Variants in MYO7A observed in about 807,000 individuals in gnomAD.
The protein encoded by MYO7A is myosin VIIA.
MYO7A carries 210 observed loss-of-function variants against 263.8 expected under a neutral mutation model. The observed-to-expected ratio is 0.80, with a 90% CI of 0.71 to 0.89. The LOEUF (loss-of-function observed/expected upper bound fraction) is 0.89. MYO7A is among the 40% of genes least tolerant of loss of function. MYO7A has a pLI of 0.00. For synonymous variants in MYO7A, 1,239 were observed against 1,197.3 expected (o/e 1.03, Z -0.72); for missense variants, 2,820 against 2,968.3 (o/e 0.95, Z 1.16).
In MYO7A at chr11:77,159,651, A is replaced by G. The variant is rs1052659091; in HGVS notation, c.1080+128A>G. On this transcript the variant is annotated intron_variant, in intron 10 of 48. Coordinates refer to ENST00000409709, the MANE Select transcript of MYO7A (RefSeq NM_000260.4). ...TCTGGTTTGGAGAGTTCTGTTCAAT[A>G]TGGAGAAGCAACCATGTGCAGGTCC... 38 of 909,580 alleles carry G rather than the reference A, an allele frequency of 4.2e-5. No homozygotes were observed. In the East Asian group the frequency reaches 9.4e-4, roughly 22 times the overall value. The allele number at this position is 909,580 out of a possible 1,614,324, so 56.3% of individuals were successfully genotyped here. A position where few individuals can be genotyped will look rare whatever the true frequency, so the allele number is the denominator to read the frequency against.
rs1395594695 is a variant in MYO7A, at chr11:77,162,152, A to G, written c.1376A>G (p.Glu459Gly). The change falls in exon 13 of 49, where the codon GAG (glutamate) becomes GGG (glycine). Residue 459 changes from glutamate to glycine, a missense_variant. Physicochemically the swap from Glu to Gly is moderately conservative, Grantham distance 98. Coordinates refer to ENST00000409709, the MANE Select transcript of MYO7A (RefSeq NM_000260.4). Reference sequence around the variant, plus strand: ...CAGCTCTGCATCAACTTCGCCAATGAGCACCTGCAGCAGTTCTTTGTGCGG... The same window carrying G: ...CAGCTCTGCATCAACTTCGCCAATGGGCACCTGCAGCAGTTCTTTGTGCGG... The part of the protein sequence containing the change: ...FEQLCINFAN[E>G]HLQQFFVRHV... 1 of 1,603,694 alleles carries G rather than the reference A, an allele frequency of 6.2e-7. No homozygotes were observed. Among genetic ancestry groups the G allele is most frequent in the Non-Finnish European group, 8.5e-7 (1 of 1,175,246 alleles).
At chr11:77,189,861 G>A (rs956911649) in intron 28 of MYO7A, among the ~76,000 whole-genome samples, 159 bp from the exon 29 acceptor site, 4 of 152,224 alleles carry the variant, frequency 2.6e-5, no homozygotes, top group Non-Finnish European at 5.9e-5. Flanking sequence ...GGCCACAGAC[G>A]TGGCTGGAAA....
chr11:77,190,270 A>T, intron 29 of MYO7A, 131 bp downstream of exon 29: 1 of 978,180 alleles, frequency 1.0e-6, no homozygotes, highest in Non-Finnish European at 1.4e-6. Flanking sequence ...TTCCTCAGAC[A>T]CCTACCCTCA....
At chr11:77,157,150 C>A in intron 7 of MYO7A, 129 bp from the exon 8 acceptor site, 1 of 1,389,106 alleles carries the variant, frequency 7.2e-7, no homozygotes, top group Non-Finnish European at 1.0e-6. Context: ...GAAATCCCAC[C>A]ATGAAACCCA....
In MYO7A at chr11:77,214,676, G is replaced by C. The variant is rs371649508; in HGVS notation, c.6628G>C (p.Gly2210Arg). 16 of 1,582,450 alleles carry C rather than the reference G, an allele frequency of 1.0e-5. No individual in the cohort carries two copies. The highest frequency in any genetic ancestry group is 1.4e-5 in the Non-Finnish European group (16 of 1,164,254). ...GCTCACAGCCATGAGCAAACAGCGG[G>C]GCTCCAGGAGCGGCAAGTGAACAGT... ...QMLTAMSKQR[G>R]SRSGK Residue 2210 changes from glycine (G) to arginine (R), a missense_variant, in exon 49 of 49, where the codon GGC (glycine) becomes CGC (arginine). By Grantham distance (125) the Gly-to-Arg change is moderately radical. Transcript: ENST00000409709.
Position 77,184,603 on chromosome 11 carries a change from C to T in MYO7A, c.3391C>T (p.His1131Tyr). The part of the protein sequence containing the change: ...KLTEEVTKRL[H>Y]DGESTVQGNS... The stretch of plus-strand genomic sequence containing the variant: ...TCTGGCCCAGGTGACCAAGAGGCTG[C>T]ATGACGGGGAGTCCACAGTGCAGGG... The change falls in exon 27 of 49, where the codon CAT becomes TAT. Residue 1131 changes from histidine (H) to tyrosine (Y), a missense_variant. Transcript: ENST00000409709. 6.4e-7 allele frequency: 1 copy of T among 1,566,718 alleles called. No individual in the cohort carries two copies. The highest frequency in any genetic ancestry group is 8.7e-7 in the Non-Finnish European group (1 of 1,155,338).
rs755375339 is a variant in MYO7A, at chr11:77,203,237, G to C, written c.5326+20G>C. On this transcript the variant is annotated intron_variant, in intron 38 of 48. Transcript: ENST00000409709. ...TCATTGATATCCGTGCCACTGGGCT[G>C]TGCCCAGGGGAGCCAGGGACCGGGC... The C allele has an allele frequency of 6.5e-7, 1 of 1,545,926 alleles. No individual in the cohort carries two copies. Among genetic ancestry groups the C allele is most frequent in the South Asian group, 1.2e-5 (1 of 84,038 alleles).
chr11:77,149,142 G>T (rs1471572423), intron 4 of MYO7A, among the ~76,000 whole-genome samples: 1 of 152,194 alleles, frequency 6.6e-6, no homozygotes, highest in Non-Finnish European at 1.5e-5. Context: ...CCGTGCCCGG[G>T]TCACTGCCTG....
intron 46 of MYO7A, chr11:77,212,214 C>G (rs748352038): frequency 5.4e-5 from 31 of 569,586 alleles, no homozygotes; most frequent in South Asian, 4.3e-4. Context: ...CACTGGGGAG[C>G]CCTCGCCCAG....
At chr11:77,131,536 CAA>C (rs1950767082) in intron 2 of MYO7A, among the ~76,000 whole-genome samples, 1 of 152,238 alleles carries the variant, frequency 6.6e-6, no homozygotes, top group Non-Finnish European at 1.5e-5. Context: ...AGAGCCTGTT[CAA>C]ACGCCCATTA....
intron 21 of MYO7A, 60 bp downstream of exon 21, chr11:77,180,013 A>C (rs570890511): frequency 1.4e-6 from 2 of 1,463,038 alleles, no homozygotes; most frequent in Non-Finnish European, 9.1e-7. Flanking sequence ...GTGTCCATGC[A>C]TCACCCTCAG....
Position 77,175,366 on chromosome 11 carries a change from C to T in MYO7A, c.2095-6C>T. ...CATTCCCTTGTGTTCCCCATCCTCACTCCAGGGCGACCTCCGCGGGACTTG... is the reference window on the plus strand; with the variant it reads ...CATTCCCTTGTGTTCCCCATCCTCATTCCAGGGCGACCTCCGCGGGACTTG... On this transcript the variant is annotated splice_region_variant and splice_polypyrimidine_tract_variant and intron_variant, in intron 17 of 48. Coordinates refer to ENST00000409709, the MANE Select transcript of MYO7A (RefSeq NM_000260.4). 1.2e-6 allele frequency: 2 copies of T among 1,612,884 alleles called. No individual in the cohort carries two copies. The highest frequency in any genetic ancestry group is 1.7e-6 in the Non-Finnish European group (2 of 1,179,762).
chr11:77,183,419 G>A lies in MYO7A; in HGVS notation c.3375+262G>A, dbSNP rs961944251. On this transcript the variant is annotated intron_variant, in intron 26 of 48. Transcript: ENST00000409709. ...CAGAGGGCACTGAGCAGGGGAGGCC[G>A]GTAGCGGCACAGCTGAGAGGGAATA... Among the ~76,000 whole-genome samples, 5 of 152,212 alleles carry A rather than the reference G, an allele frequency of 3.3e-5. No homozygotes were observed. The South Asian group carries it at 8.3e-4, about 25-fold the overall frequency.
chr11:77,166,201 C>T (rs1953529469), intron 15 of MYO7A, 39 bp downstream of exon 15: 1 of 1,568,544 alleles, frequency 6.4e-7, no homozygotes, highest in African/African-American at 1.4e-5. Flanking sequence ...GGAAGGGCCC[C>T]CACGGGCCAG....
Position 77,170,506 on chromosome 11 carries a change from G to A in MYO7A, c.1798-2242G>A, listed in dbSNP as rs189962833. 2.7e-4 allele frequency among the ~76,000 whole-genome samples: 41 copies of A among 152,286 alleles called. 1 individual carries two copies. The highest frequency in any genetic ancestry group is 1.0e-3 in the Admixed American group (16 of 15,298). On this transcript the variant is annotated intron_variant, in intron 15 of 48. Transcript: ENST00000409709. ...CTTCATGCGAGTGAATCAAGGAGGC[G>A]GTGGAGGGTTCTGGGTGGGGAAAGG...
Position 77,211,470 on chromosome 11 carries a change from C to T in MYO7A, c.6237+133C>T, listed in dbSNP as rs1439984135. 8 of 1,039,372 alleles carry T rather than the reference C, an allele frequency of 7.7e-6. No individual in the cohort carries two copies. The Admixed American group carries it at 1.1e-4, about 14-fold the overall frequency. The allele number at this position is 1,039,372 out of a possible 1,614,324, so 64.4% of individuals were successfully genotyped here. A position where few individuals can be genotyped will look rare whatever the true frequency, so the allele number is the denominator to read the frequency against. ...GTGGTTCTTGTACTTGATGAGGCCG[C>T]CCACCCTTGTTCCTCCACCTGCCTT... On this transcript the variant is annotated intron_variant, in intron 45 of 48. Transcript: ENST00000409709.
chr11:77,174,825 C>T lies in MYO7A; in HGVS notation c.2005C>T (p.Arg669Ter), dbSNP rs111033201. The change falls in exon 17 of 49, where the codon CGA (arginine) becomes TGA (stop). Residue 669 changes from arginine (R) to a stop codon, truncating the protein, a stop_gained. Transcript: ENST00000409709. LOFTEE classifies it high-confidence loss of function. ...SGMMETIRIR[R>*]AGYPIRYSFV... ...AATGATGGAGACCATCCGAATCCGC[C>T]GAGCTGGCTACCCCATCCGCTACAG... The T allele has an allele frequency of 6.9e-5, 112 of 1,613,288 alleles. No individual in the cohort carries two copies. Among genetic ancestry groups the T allele is most frequent in the Non-Finnish European group, 8.7e-5 (103 of 1,179,814 alleles).
intron 40 of MYO7A, 58 bp downstream of exon 40, chr11:77,205,675 G>T (rs1591484832): frequency 2.5e-6 from 4 of 1,602,416 alleles, no homozygotes; most frequent in African/African-American, 2.7e-5. Flanking sequence ...GCCACGCGGG[G>T]CTTGTGGGAT....
In MYO7A at chr11:77,147,959, C is replaced by T; in HGVS notation, c.285+9C>T. The T allele has an allele frequency of 1.3e-6, 2 of 1,534,778 alleles. No homozygotes were observed. The highest frequency in any genetic ancestry group is 8.8e-7 in the Non-Finnish European group (1 of 1,138,652). On this transcript the variant is annotated intron_variant, in intron 4 of 48. Coordinates refer to ENST00000409709, the MANE Select transcript of MYO7A (RefSeq NM_000260.4). The stretch of plus-strand genomic sequence containing the variant: ...GGGACCACCTCATCTACGTGAGTGC[C>T]GCCCCGCCCGGTGCCCGTCCAGGCC...
Sources: gnomAD v4.1 joint callset for allele counts (sites outside exome capture counted in the v4.1 genomes callset) on GRCh38, gnomAD v4.1.1 for gene constraint, MANE v1.5 for transcripts, NCBI Gene and HGNC (gene_info 2026-07-23, HGNC 2026-07-21) for gene names.